OCM: variants seen among roughly 807,000 people sequenced by gnomAD.
The protein encoded by OCM is oncomodulin.
A neutral mutation model predicts 14.1 loss-of-function variants in OCM; 18 were observed. The observed-to-expected ratio is 1.28, with a 90% CI of 0.88 to 1.89. OCM has a LOEUF of 1.89. Ranked by LOEUF, OCM falls within the 40% of genes most tolerant of loss-of-function variation. The probability of loss-of-function intolerance (pLI) is 0.00; values close to 1 mark genes in which losing one functional copy is unlikely to be tolerated. For synonymous variants in OCM, 48 were observed against 51.0 expected (o/e 0.94, Z 0.25); for missense variants, 140 against 137.6 (o/e 1.02, Z -0.09).
At chr7:5,867,824 C>T in the OCM span, among the ~76,000 whole-genome samples, 8 of 151,874 alleles carry the variant, frequency 5.3e-5, no homozygotes, top group Non-Finnish European at 8.8e-5. Context: ...TGCAGTGGCA[C>T]AATCTTGGTT....
At chr7:5,877,554 C>A (rs1344478089), upstream of OCM, among the ~76,000 whole-genome samples, 1 of 151,032 alleles carries the variant, frequency 6.6e-6, no homozygotes, top group African/African-American at 2.4e-5. Flanking sequence ...CCCGGCTGCT[C>A]ACATCTGTAA....
the OCM span, among the ~76,000 whole-genome samples, chr7:5,860,058 C>T: frequency 1.5e-5 from 1 of 68,370 alleles, no homozygotes; most frequent in South Asian, 5.6e-4. Flanking sequence ...TACAAGGAGA[C>T]CCCCCCCACA....
At chr7:5,884,140 T>C (rs1205999717) in intron 3 of OCM, 141 bp downstream of exon 3, 2 of 1,146,842 alleles carry the variant, frequency 1.7e-6, no homozygotes, top group Admixed American at 2.8e-5. Flanking sequence ...ATCTGTAAAA[T>C]GGGACTAAAG....
chr7:5,870,790 G>A, the OCM span, among the ~76,000 whole-genome samples: 3 of 152,252 alleles, frequency 2.0e-5, no homozygotes, highest in East Asian at 5.8e-4. Context: ...CTTGGCCAAT[G>A]TTTAATCTGG....
At chr7:5,878,473 G>A (rs1328242578), upstream of OCM, among the ~76,000 whole-genome samples, 6 of 151,604 alleles carry the variant, frequency 4.0e-5, no homozygotes, top group Admixed American at 1.3e-4. Flanking sequence ...TTGGCCGGGC[G>A]CGGTGGCTCA....
upstream of OCM, among the ~76,000 whole-genome samples, chr7:5,877,819 CAAAAA>C (rs535302724): frequency 1.8e-5 from 1 of 55,304 alleles, no homozygotes; most frequent in Non-Finnish European, 3.2e-5. Context: ...GACTCCATCT[CAAAAA>C]AAAAAAAAAA....
chr7:5,860,809 C>CGTGT, the OCM span, among the ~76,000 whole-genome samples: 2 of 116,030 alleles, frequency 1.7e-5, no homozygotes, highest in African/African-American at 7.6e-5. Context: ...TACACACATA[C>CGTGT]ACACATACAT....
intron 3 of OCM, among the ~76,000 whole-genome samples, chr7:5,884,382 A>G (rs1781290661): frequency 6.6e-6 from 1 of 152,198 alleles, no homozygotes; most frequent in Non-Finnish European, 1.5e-5. Context: ...AAAGATTTAC[A>G]TCCTCAGACC....
upstream of OCM, among the ~76,000 whole-genome samples, chr7:5,880,487 G>A (rs570246100): frequency 3.4e-4 from 52 of 152,162 alleles, no homozygotes; most frequent in African/African-American, 1.1e-3. Flanking sequence ...GGCCTGGCTC[G>A]GTGGCTTGCA....
intron 1 of OCM, among the ~76,000 whole-genome samples, chr7:5,882,119 A>AG (rs1781230983): frequency 8.1e-6 from 1 of 122,940 alleles, no homozygotes. Flanking sequence ...AAAAAAAAAA[A>AG]GCGCCAAAGG....
In OCM at chr7:5,885,929, C is replaced by T. The variant is rs1007112278; in HGVS notation, c.305-135C>T. The T allele has an allele frequency of 1.2e-5, 8 of 671,936 alleles. No individual in the cohort carries two copies. In the African/African-American group the frequency reaches 1.3e-4, roughly 11 times the overall value. 41.6% of individuals were successfully genotyped at this position (671,936 alleles called of 1,614,324 possible). ...CGGCCAGTTTTTCTTTCTTTTGTGCCCTCCAAGGGGGCCATGCCCATCATC... is the reference window on the plus strand; with the variant it reads ...CGGCCAGTTTTTCTTTCTTTTGTGCTCTCCAAGGGGGCCATGCCCATCATC... On this transcript the variant is annotated intron_variant, in intron 3 of 3. Coordinates refer to ENST00000242104, the MANE Select transcript of OCM (RefSeq NM_001097622.2).
chr7:5,861,914 G>A, the OCM span, among the ~76,000 whole-genome samples: 1 of 151,794 alleles, frequency 6.6e-6, no homozygotes, highest in Non-Finnish European at 1.5e-5. Context: ...TTAGAGACAG[G>A]GTCTTGCTAT....
chr7:5,875,612 C>T (rs1466545105), upstream of OCM, among the ~76,000 whole-genome samples: 2 of 151,930 alleles, frequency 1.3e-5, no homozygotes, highest in Admixed American at 6.6e-5. Flanking sequence ...CTGGCCTGGT[C>T]TCTGGTATCT....
At chr7:5,862,070 C>T in the OCM span, among the ~76,000 whole-genome samples, 5 of 152,066 alleles carry the variant, frequency 3.3e-5, no homozygotes, top group African/African-American at 9.7e-5. Flanking sequence ...CTCACAGTGG[C>T]TTTAATCTGC....
the OCM span, among the ~76,000 whole-genome samples, chr7:5,873,806 T>A: frequency 4.9e-4 from 75 of 151,776 alleles, no homozygotes; most frequent in African/African-American, 1.8e-3. Flanking sequence ...AGTTGAGAGA[T>A]GTTTAGGAAG....
the OCM span, among the ~76,000 whole-genome samples, chr7:5,864,290 T>C: frequency 6.7e-6 from 1 of 148,928 alleles, no homozygotes; most frequent in Middle Eastern, 3.2e-3. Context: ...GAGGCTGCGG[T>C]GAGCTGTGAT....
chr7:5,870,364 C>G, the OCM span, among the ~76,000 whole-genome samples: 2 of 152,208 alleles, frequency 1.3e-5, no homozygotes, highest in African/African-American at 4.8e-5. Flanking sequence ...CTCCCTGCCT[C>G]AGCCTCCCAA....
At chr7:5,862,543 C>T in the OCM span, among the ~76,000 whole-genome samples, 1 of 152,206 alleles carries the variant, frequency 6.6e-6, no homozygotes, top group South Asian at 2.1e-4. Flanking sequence ...GTAAATCATC[C>T]TTCCACCTAC....
the OCM span, among the ~76,000 whole-genome samples, chr7:5,864,271 C>G: frequency 1.1e-4 from 17 of 150,988 alleles, no homozygotes; most frequent in Admixed American, 5.3e-4. Context: ...CACTTGAGCC[C>G]AGGAGGTTGA....
Sources: allele counts gnomAD v4.1 joint callset (sites outside exome capture counted in the v4.1 genomes callset), GRCh38; gene constraint gnomAD v4.1.1; transcripts MANE v1.5; gene names NCBI Gene and HGNC (gene_info 2026-07-23, HGNC 2026-07-21).